Variants in TANC1 observed in about 807,000 individuals in gnomAD.
The protein encoded by TANC1 is tetratricopeptide repeat, ankyrin repeat and coiled-coil containing 1.
In TANC1, 77 loss-of-function variants were observed where a neutral mutation model predicts 149.7. The observed-to-expected ratio is 0.51, with a 90% CI of 0.43 to 0.62. The LOEUF is 0.62. TANC1 is among the 20% of genes least tolerant of loss of function. The pLI is 0.00. For missense variants in TANC1, 1,985 were observed against 2,321.8 expected (o/e 0.85, Z 2.98); for synonymous variants, 854 against 925.0 (o/e 0.92, Z 1.39).
At chr2:159,018,344 G>GA (rs2038481141) in intron 2 of TANC1, among the ~76,000 whole-genome samples, 2 of 152,280 alleles carry the variant, frequency 1.3e-5, no homozygotes, top group African/African-American at 4.8e-5. Flanking sequence ...ACCATTATGG[G>GA]ATGTGCCATA....
chr2:159,165,099 C>T (rs1204413566), intron 8 of TANC1, among the ~76,000 whole-genome samples: 1 of 152,166 alleles, frequency 6.6e-6, no homozygotes, highest in Non-Finnish European at 1.5e-5. Context: ...AACTTGTGCT[C>T]AATTTAGTCA....
At chr2:159,129,520 C>T (rs1478834676) in intron 4 of TANC1, among the ~76,000 whole-genome samples, 1 of 151,940 alleles carries the variant, frequency 6.6e-6, no homozygotes, top group Non-Finnish European at 1.5e-5. Context: ...CTGACACAGG[C>T]CCTGCTACAC....
intron 8 of TANC1, among the ~76,000 whole-genome samples, chr2:159,166,562 T>C (rs989888596): frequency 6.6e-6 from 1 of 152,222 alleles, no homozygotes; most frequent in Non-Finnish European, 1.5e-5. Context: ...AATTATTGCT[T>C]TACCTTTGGG....
intron 2 of TANC1, among the ~76,000 whole-genome samples, chr2:159,037,591 G>T (rs993321581): frequency 1.3e-5 from 2 of 152,160 alleles, no homozygotes; most frequent in Admixed American, 1.3e-4. Flanking sequence ...AGTTTTCCCA[G>T]CACGATTTAT....
chr2:159,051,610 A>G (rs1448382091), intron 2 of TANC1, among the ~76,000 whole-genome samples: 1 of 151,978 alleles, frequency 6.6e-6, no homozygotes, highest in Non-Finnish European at 1.5e-5. Flanking sequence ...ATATCCACCC[A>G]TAGGAATTAG....
Position 159,130,204 on chromosome 2 carries a change from C to T in TANC1, c.260-5990C>T, listed in dbSNP as rs1006085850. On this transcript the variant is annotated intron_variant, in intron 4 of 26. Transcript: ENST00000263635. ...AGTCTTGTTTTGTTTTTAAGAGCCTCCTGCGTTAAAACATACCCAGTAGCT... is the reference window on the plus strand; with the variant it reads ...AGTCTTGTTTTGTTTTTAAGAGCCTTCTGCGTTAAAACATACCCAGTAGCT... 2.6e-5 allele frequency among the ~76,000 whole-genome samples: 4 copies of T among 152,154 alleles called. No homozygotes were observed. In the East Asian group the frequency reaches 7.7e-4, roughly 29 times the overall value.
At chr2:159,062,973 C>CAAAAAAACAAAAAAAAA (rs2042358831) in intron 2 of TANC1, among the ~76,000 whole-genome samples, 1 of 41,216 alleles carries the variant, frequency 2.4e-5, no homozygotes, top group African/African-American at 7.4e-5. Context: ...GACTCCGTCT[C>CAAAAAAACAAAAAAAAA]AAAAAAAAAA....
At chr2:158,970,642 G>A (rs896626704) in intron 1 of TANC1, among the ~76,000 whole-genome samples, 2 of 152,188 alleles carry the variant, frequency 1.3e-5, no homozygotes, top group Non-Finnish European at 2.9e-5. Context: ...GTATGTGGCA[G>A]TAAAGGAAGT....
chr2:159,083,155 A>C (rs1265267752), intron 3 of TANC1, among the ~76,000 whole-genome samples: 2 of 151,828 alleles, frequency 1.3e-5, no homozygotes, highest in African/African-American at 4.8e-5. Context: ...ATGTTGGTTC[A>C]AGACCGCCAG....
chr2:158,997,361 C>G (rs1484843306), intron 1 of TANC1, among the ~76,000 whole-genome samples: 6 of 152,168 alleles, frequency 3.9e-5, no homozygotes, highest in Non-Finnish European at 8.8e-5. Context: ...AAGTCAGAAA[C>G]CTCAATGTGA....
chr2:159,146,713 G>C (rs1349837114), intron 5 of TANC1, among the ~76,000 whole-genome samples: 1 of 151,892 alleles, frequency 6.6e-6, no homozygotes, highest in African/African-American at 2.4e-5. Context: ...GCTAATTTTT[G>C]TATTTTTAAT....
intron 1 of TANC1, among the ~76,000 whole-genome samples, chr2:158,983,468 C>CAAAAAAAAAAAAAAAAAAAA (rs35472970): frequency 2.1e-4 from 19 of 88,794 alleles, no homozygotes; most frequent in African/African-American, 7.4e-4. Context: ...CTCCGTCTCC[C>CAAAAAAAAAAAAAAAAAAAA]AAAAAAAAAA....
intron 19 of TANC1, among the ~76,000 whole-genome samples, chr2:159,203,939 A>G (rs1191790176): frequency 6.6e-6 from 1 of 152,142 alleles, no homozygotes; most frequent in Non-Finnish European, 1.5e-5. Flanking sequence ...GTGTATGGCA[A>G]CCGTCCGTTC....
chr2:159,111,577 G>A (rs1393363596), intron 4 of TANC1, among the ~76,000 whole-genome samples: 4 of 152,192 alleles, frequency 2.6e-5, no homozygotes, highest in Admixed American at 2.6e-4. Context: ...TTGTACTCAG[G>A]ATTACACTGT....
intron 3 of TANC1, among the ~76,000 whole-genome samples, chr2:159,080,127 C>T (rs948406661): frequency 8.5e-5 from 13 of 152,250 alleles, no homozygotes; most frequent in South Asian, 2.1e-4. Context: ...CCTCCCTCCC[C>T]GAGCTAAGTC....
At chr2:159,116,056 CAA>C (rs1425499751) in intron 4 of TANC1, among the ~76,000 whole-genome samples, 1 of 152,048 alleles carries the variant, frequency 6.6e-6, no homozygotes, top group Non-Finnish European at 1.5e-5. Context: ...TTGCTGGCCT[CAA>C]GAGAGAAAAG....
At chr2:159,032,863 T>C (rs1056297612) in intron 2 of TANC1, among the ~76,000 whole-genome samples, 3 of 152,180 alleles carry the variant, frequency 2.0e-5, no homozygotes, top group African/African-American at 7.2e-5. Flanking sequence ...ATCTTGGTTC[T>C]TGGTGTTTTC....
chr2:159,072,076 G>A (rs1257255873), intron 3 of TANC1, among the ~76,000 whole-genome samples: 1 of 150,226 alleles, frequency 6.7e-6, no homozygotes, highest in Non-Finnish European at 1.5e-5. Context: ...CAGCCTCCTA[G>A]GTTCAAGCGA....
At chr2:159,026,142 A>G (rs535327726) in intron 2 of TANC1, among the ~76,000 whole-genome samples, 1 of 152,302 alleles carries the variant, frequency 6.6e-6, no homozygotes, top group South Asian at 2.1e-4. Context: ...GTTGTTGCCC[A>G]GCATGGTCTT....
Sources: gnomAD v4.1 joint callset for allele counts (sites outside exome capture counted in the v4.1 genomes callset) on GRCh38, gnomAD v4.1.1 for gene constraint, MANE v1.5 for transcripts, NCBI Gene and HGNC (gene_info 2026-07-23, HGNC 2026-07-21) for gene names.